The following KCNH7 variants were observed in gnomAD, a reference collection of about 807,000 sequenced individuals.
KCNH7 encodes the protein potassium voltage-gated channel subfamily H member 7.
Under a neutral mutation model 120.8 loss-of-function variants are expected in KCNH7, and 49 were observed. The observed-to-expected ratio is 0.41, with a 90% CI of 0.32 to 0.51. KCNH7 has a LOEUF of 0.51. Ranked by LOEUF, KCNH7 falls within the 20% of genes least tolerant of loss-of-function variation. The probability of loss-of-function intolerance (pLI) is 0.38; values close to 1 mark genes in which losing one functional copy is unlikely to be tolerated. For synonymous variants in KCNH7, 547 were observed against 516.1 expected (o/e 1.06, Z -0.81); for missense variants, 1,097 against 1,446.6 (o/e 0.76, Z 3.92).
intron 2 of KCNH7, among the ~76,000 whole-genome samples, chr2:162,560,143 T>C (rs1178575867): frequency 6.6e-6 from 1 of 152,218 alleles, no homozygotes; most frequent in East Asian, 1.9e-4. Flanking sequence ...CAGAACATCA[T>C]GTTCCCAGAA....
chr2:162,597,233 T>C (rs1694407336), intron 2 of KCNH7, among the ~76,000 whole-genome samples: 1 of 152,034 alleles, frequency 6.6e-6, no homozygotes, highest in Non-Finnish European at 1.5e-5. Context: ...ACCGTAGAGA[T>C]ATCTCTCCTC....
At chr2:162,552,721 A>T (rs1692712812) in intron 2 of KCNH7, among the ~76,000 whole-genome samples, 1 of 152,218 alleles carries the variant, frequency 6.6e-6, no homozygotes, top group African/African-American at 2.4e-5. Context: ...CCTGGAAGAA[A>T]GCAAATATCC....
At chr2:162,548,008 A>T (rs1437881437) in intron 2 of KCNH7, among the ~76,000 whole-genome samples, 1 of 152,008 alleles carries the variant, frequency 6.6e-6, no homozygotes, top group East Asian at 1.9e-4. Flanking sequence ...AAGTAAAGGT[A>T]TTTTTTTCCC....
intron 9 of KCNH7, among the ~76,000 whole-genome samples, chr2:162,404,603 T>C (rs1289194538): frequency 2.0e-5 from 3 of 151,942 alleles, no homozygotes; most frequent in Non-Finnish European, 4.4e-5. Flanking sequence ...CTCTTGCTCC[T>C]GCTCCTGCCA....
intron 14 of KCNH7, among the ~76,000 whole-genome samples, chr2:162,376,369 T>A (rs1194975092): frequency 9.4e-6 from 1 of 106,274 alleles, no homozygotes; most frequent in African/African-American, 5.5e-5. Context: ...GTGTGGTTTG[T>A]TTTTTTTTTT....
intron 6 of KCNH7, among the ~76,000 whole-genome samples, chr2:162,449,201 G>C (rs957374303): frequency 6.6e-6 from 1 of 152,040 alleles, no homozygotes; most frequent in Non-Finnish European, 1.5e-5. Context: ...GTTGCTGAAG[G>C]TCTAATGTGA....
At chr2:162,752,249 G>A (rs1331599751) in intron 2 of KCNH7, among the ~76,000 whole-genome samples, 1 of 152,050 alleles carries the variant, frequency 6.6e-6, no homozygotes, top group Non-Finnish European at 1.5e-5. Context: ...TAATTTGGAA[G>A]GAAAAAATTT....
At chr2:162,806,288 C>T (rs1226742451) in intron 2 of KCNH7, among the ~76,000 whole-genome samples, 2 of 152,064 alleles carry the variant, frequency 1.3e-5, no homozygotes, top group Admixed American at 6.6e-5. Flanking sequence ...GCTTAGCTAA[C>T]TCAATTTTGG....
intron 2 of KCNH7, among the ~76,000 whole-genome samples, chr2:162,606,166 A>T (rs1682759404): frequency 6.6e-6 from 1 of 152,234 alleles, no homozygotes; most frequent in East Asian, 1.9e-4. Flanking sequence ...CTCCCCTTAA[A>T]TTCTATTGTT....
At chr2:162,711,948 G>T (rs1686942025) in intron 2 of KCNH7, among the ~76,000 whole-genome samples, 1 of 152,062 alleles carries the variant, frequency 6.6e-6, no homozygotes, top group Non-Finnish European at 1.5e-5. Context: ...CAAAAGGAGA[G>T]CAGTTTCTTG....
chr2:162,723,084 A>T (rs530751323), intron 2 of KCNH7, among the ~76,000 whole-genome samples: 112 of 151,764 alleles, frequency 7.4e-4, no homozygotes, highest in Non-Finnish European at 1.4e-3. Context: ...TGCCATAAAG[A>T]TGCTATTTTA....
At chr2:162,532,950 A>G (rs969799912) in intron 3 of KCNH7, among the ~76,000 whole-genome samples, 2 of 151,894 alleles carry the variant, frequency 1.3e-5, no homozygotes, top group African/African-American at 4.8e-5. Flanking sequence ...GAGCCTTAAG[A>G]AATAGAATAT....
At chr2:162,664,495 C>G (rs889314413) in intron 2 of KCNH7, among the ~76,000 whole-genome samples, 1 of 152,070 alleles carries the variant, frequency 6.6e-6, no homozygotes, top group African/African-American at 2.4e-5. Flanking sequence ...AATAATTTGC[C>G]CACTGATACA....
At chr2:162,676,478 A>G (rs982235603) in intron 2 of KCNH7, among the ~76,000 whole-genome samples, 2 of 151,492 alleles carry the variant, frequency 1.3e-5, no homozygotes, top group Non-Finnish European at 1.5e-5. Flanking sequence ...CAAGAGAAAT[A>G]CCAAACATTC....
At chr2:162,596,948 A>C (rs1363084312) in intron 2 of KCNH7, among the ~76,000 whole-genome samples, 1 of 152,144 alleles carries the variant, frequency 6.6e-6, no homozygotes, top group Non-Finnish European at 1.5e-5. Flanking sequence ...CAGGAATATC[A>C]AAACATGCTT....
intron 6 of KCNH7, among the ~76,000 whole-genome samples, chr2:162,461,608 A>G (rs1012766162): frequency 6.6e-6 from 1 of 152,238 alleles, no homozygotes; most frequent in African/African-American, 2.4e-5. Flanking sequence ...AATGCAAAAG[A>G]CAGATGGTTA....
chr2:162,632,465 AT>A (rs1239305146), intron 2 of KCNH7, among the ~76,000 whole-genome samples: 2 of 151,914 alleles, frequency 1.3e-5, no homozygotes, highest in East Asian at 1.9e-4. Context: ...AACTGAAAAT[AT>A]TTTTTATCAA....
intron 2 of KCNH7, among the ~76,000 whole-genome samples, chr2:162,833,230 G>A (rs1008769085): frequency 1.3e-5 from 2 of 151,994 alleles, no homozygotes; most frequent in African/African-American, 2.4e-5. Flanking sequence ...GCTCTCTTCC[G>A]TGATGTACTC....
intron 2 of KCNH7, among the ~76,000 whole-genome samples, chr2:162,811,363 T>C (rs1451480808): frequency 2.0e-5 from 3 of 152,156 alleles, no homozygotes; most frequent in Non-Finnish European, 4.4e-5. Flanking sequence ...AAAGGTTAAA[T>C]GCCAGAGAAA....
Sources: allele counts gnomAD v4.1 joint callset (sites outside exome capture counted in the v4.1 genomes callset), GRCh38; gene constraint gnomAD v4.1.1; transcripts MANE v1.5; gene names NCBI Gene and HGNC (gene_info 2026-07-23, HGNC 2026-07-21).